The following PNPLA2 variants were observed in gnomAD, a reference collection of about 807,000 sequenced individuals.
The protein encoded by PNPLA2 is patatin-like phospholipase domain-containing protein 2.
Under a neutral mutation model 39.7 loss-of-function variants are expected in PNPLA2, and 28 were observed. That is an observed-to-expected ratio of 0.70 (90% CI 0.52 to 0.97). The LOEUF (loss-of-function observed/expected upper bound fraction) is 0.97. Among genes scored for constraint, PNPLA2 ranks in the 50% least tolerant of loss-of-function variants. The pLI, the probability that PNPLA2 is intolerant of heterozygous loss-of-function variation, is 0.00. For missense variants in PNPLA2, 768 were observed against 698.2 expected (o/e 1.10, Z -1.13); for synonymous variants, 392 against 321.1 (o/e 1.22, Z -2.36).
chr11:819,443 C>T (rs1167481318), intron 1 of PNPLA2, 131 bp from the exon 2 acceptor site: 4 of 1,144,006 alleles, frequency 3.5e-6, no homozygotes, highest in African/African-American at 3.2e-5. Context: ...CGCGGGGGGC[C>T]GGGTCAAGGA....
rs548708635 is a variant in PNPLA2, at chr11:824,982, A to C, written c.*120A>C. ...CCGTGGGCCCCCTCGCCAGCCACTC[A>C]CCAGCTGCATGCACTGAGAGGGGAG... On this transcript the variant is annotated 3_prime_UTR_variant, in exon 10 of 10. Coordinates refer to ENST00000336615, the MANE Select transcript of PNPLA2 (RefSeq NM_020376.4). 12 of 767,848 alleles carry C rather than the reference A, an allele frequency of 1.6e-5. No individual in the cohort carries two copies. In the South Asian group the frequency reaches 1.6e-4, roughly 10 times the overall value. 47.6% of individuals were successfully genotyped at this position (767,848 alleles called of 1,614,324 possible). A position where few individuals can be genotyped will look rare whatever the true frequency, so the allele number is the denominator to read the frequency against.
Position 822,513 on chromosome 11 carries a change from C to T in PNPLA2, c.603C>T (p.Asn201=), listed in dbSNP as rs1254786932. The change falls in exon 5 of 10, where the codon AAC becomes AAT. Residue 201 remains asparagine, a synonymous_variant. Transcript: ENST00000336615. ...SDICPQDSST[N]IHELRVTNTS... The stretch of plus-strand genomic sequence containing the variant: ...TCTGTCCGCAGGACAGCTCCACCAA[C>T]ATCCACGAGCTGCGGGTCACCAACA... 1 of 1,614,096 alleles carries T rather than the reference C, an allele frequency of 6.2e-7. No homozygotes were observed. The highest frequency in any genetic ancestry group is 1.3e-5 in the African/African-American group (1 of 75,054).
chr11:825,096 C>T lies in PNPLA2; in HGVS notation c.*234C>T, dbSNP rs1845847003. ...CTGTGCTGCCCGAGCACCTCCCCCGCCCCTTTACTCCTGAGAACTTTGCAG... is the reference window on the plus strand; with the variant it reads ...CTGTGCTGCCCGAGCACCTCCCCCGTCCCTTTACTCCTGAGAACTTTGCAG... On this transcript the variant is annotated 3_prime_UTR_variant, in exon 10 of 10. Coordinates refer to ENST00000336615, the MANE Select transcript of PNPLA2 (RefSeq NM_020376.4). 3.4e-6 allele frequency: 2 copies of T among 582,772 alleles called. No individual in the cohort carries two copies. The highest frequency in any genetic ancestry group is 3.2e-5 in the Admixed American group (1 of 31,646). 36.1% of individuals were successfully genotyped at this position (582,772 alleles called of 1,614,324 possible). A position where few individuals can be genotyped will look rare whatever the true frequency, so the allele number is the denominator to read the frequency against.
At chr11:822,884 G>C (rs1845717105) in intron 5 of PNPLA2, among the ~76,000 whole-genome samples, 1 of 150,698 alleles carries the variant, frequency 6.6e-6, no homozygotes. Flanking sequence ...GAGTGCAGTG[G>C]CAGGATCTCA....
chr11:823,944 C>T (rs150271566), intron 7 of PNPLA2, 54 bp from the exon 8 acceptor site: 2 of 1,549,494 alleles, frequency 1.3e-6, no homozygotes, highest in Non-Finnish European at 8.7e-7. Context: ...GGAAGCCGAG[C>T]GGGTCCTGGG....
Position 823,546 on chromosome 11 carries a change from A to G in PNPLA2, c.716A>G (p.Lys239Arg). 1 of 1,610,736 alleles carries G rather than the reference A, an allele frequency of 6.2e-7. No individual in the cohort carries two copies. The change falls in exon 6 of 10, where the codon AAG becomes AGG. Residue 239 changes from lysine to arginine, a missense_variant. Transcript: ENST00000336615. Reference sequence around the variant, plus strand: ...CTGCAGGTGCTGCGAGAGATGTGCAAGCAGGGATACCGGGATGGCCTGCGC... The same window carrying G: ...CTGCAGGTGCTGCGAGAGATGTGCAGGCAGGGATACCGGGATGGCCTGCGC... The part of the protein sequence containing the change: ...PEPLVLREMC[K>R]QGYRDGLRFL...
chr11:824,380 C>T lies in PNPLA2; in HGVS notation c.1119C>T (p.Ile373=), dbSNP rs1187028750. The T allele has an allele frequency of 6.4e-7, 1 of 1,552,378 alleles. No individual in the cohort carries two copies. The highest frequency in any genetic ancestry group is 8.7e-7 in the Non-Finnish European group (1 of 1,148,252). ...IRWMKEQTGS[I]CQYLVMRAKR... ...GGATGAAGGAGCAGACGGGCAGCATCTGCCAGTACCTGGTGATGCGCGCCA... is the reference window on the plus strand; with the variant it reads ...GGATGAAGGAGCAGACGGGCAGCATTTGCCAGTACCTGGTGATGCGCGCCA... The change falls in exon 9 of 10, where the codon ATC becomes ATT. Residue 373 remains isoleucine, a synonymous_variant. Coordinates refer to ENST00000336615, the MANE Select transcript of PNPLA2 (RefSeq NM_020376.4).
intron 2 of PNPLA2, among the ~76,000 whole-genome samples, chr11:820,477 G>C (rs1175639422): frequency 6.6e-6 from 1 of 152,132 alleles, no homozygotes; most frequent in African/African-American, 2.4e-5. Context: ...TCCCCGCTGC[G>C]GCCCACCGCG....
chr11:821,586 A>C (rs559773688), intron 2 of PNPLA2, 42 bp from the exon 3 acceptor site: 1 of 1,441,560 alleles, frequency 6.9e-7, no homozygotes, highest in South Asian at 1.1e-5. Context: ...GGTGTTGCTA[A>C]GCCCAGGAGC....
Position 824,593 on chromosome 11 carries a change from A to G in PNPLA2, c.1246A>G (p.Arg416Gly). ...PSVPLSCAAY[R>G]EALPGWMRNN... ...CGTGCCGCTGTCCTGCGCCGCCTAC[A>G]GAGAGGCACTGCCCGGCTGGATGCG... Residue 416 changes from arginine to glycine, a missense_variant, in exon 10 of 10, where the codon AGA becomes GGA. Coordinates refer to ENST00000336615, the MANE Select transcript of PNPLA2 (RefSeq NM_020376.4). 1 of 1,587,924 alleles carries G rather than the reference A, an allele frequency of 6.3e-7. No individual in the cohort carries two copies.
rs753134238 is a variant in PNPLA2 at position 823,706 on chromosome 11, G to A, written c.770G>A (p.Arg257Gln). The A allele has an allele frequency of 1.6e-5, 26 of 1,607,494 alleles. No individual in the cohort carries two copies. The highest frequency in any genetic ancestry group is 4.5e-5 in the East Asian group (2 of 44,634). Reference protein sequence around the residue: ...RFLQRNGLLNRPNPLLALPPA... With the variant: ...RFLQRNGLLNQPNPLLALPPA... ...TCCCCAACCCCAGGCCTCCTGAACC[G>A]GCCCAACCCCTTGCTGGCGTTGCCC... The change falls in exon 7 of 10, where the codon CGG (arginine) becomes CAG (glutamine). Residue 257 changes from arginine to glutamine, a missense_variant. Physicochemically the swap from Arg to Gln is conservative, Grantham distance 43. Coordinates refer to ENST00000336615, the MANE Select transcript of PNPLA2 (RefSeq NM_020376.4).
At chr11:821,922 C>T (rs1411299159) in intron 3 of PNPLA2, 36 bp from the exon 4 acceptor site, 1 of 1,612,768 alleles carries the variant, frequency 6.2e-7, no homozygotes, top group African/African-American at 1.3e-5. Context: ...CTCAAGGCCT[C>T]TGCTCATTCT....
intron 2 of PNPLA2, chr11:821,135 G>A (rs1845651593): frequency 4.8e-6 from 1 of 208,480 alleles, no homozygotes; most frequent in Non-Finnish European, 9.9e-6. Context: ...GCCCCAAGAG[G>A]AGTGTTTGGG....
intron 4 of PNPLA2, 89 bp downstream of exon 4, chr11:822,112 C>A: frequency 8.2e-7 from 1 of 1,213,638 alleles, no homozygotes; most frequent in Non-Finnish European, 1.2e-6. Context: ...ATCCTTCAGG[C>A]CCTTGCTCTG....
chr11:825,236 T>A lies in PNPLA2; in HGVS notation c.*374T>A. 3.0e-6 allele frequency: 1 copy of A among 337,274 alleles called. No homozygotes were observed. Among genetic ancestry groups the A allele is most frequent in the Non-Finnish European group, 5.6e-6 (1 of 179,446 alleles). 20.9% of individuals were successfully genotyped at this position (337,274 alleles called of 1,614,324 possible). On this transcript the variant is annotated 3_prime_UTR_variant, in exon 10 of 10. Coordinates refer to ENST00000336615, the MANE Select transcript of PNPLA2 (RefSeq NM_020376.4). ...CAGCCCAGCCTCTGCCCACTTTGTG[T>A]GTATGTGACCGCCTGCTTACTTGCA... is the stretch of plus-strand genomic sequence containing the variant.
At position 825,215 on chromosome 11, in the gene PNPLA2, C is replaced by G. The variant is rs1051856739; in HGVS notation, c.*353C>G. 1 of 382,178 alleles carries G rather than the reference C, an allele frequency of 2.6e-6. No homozygotes were observed. The highest frequency in any genetic ancestry group is 4.9e-6 in the Non-Finnish European group (1 of 205,828). 23.7% of individuals were successfully genotyped at this position (382,178 alleles called of 1,614,324 possible). A position where few individuals can be genotyped will look rare whatever the true frequency, so the allele number is the denominator to read the frequency against. On this transcript the variant is annotated 3_prime_UTR_variant, in exon 10 of 10. Transcript: ENST00000336615. ...AAGCACATGTAATAAATGCTGCAGC[C>G]CAGCCTCTGCCCACTTTGTGTGTAT...
intron 6 of PNPLA2, 35 bp from the exon 7 acceptor site, chr11:823,659 G>A: frequency 1.9e-6 from 3 of 1,603,516 alleles, no homozygotes; most frequent in East Asian, 2.3e-5. Flanking sequence ...CGGCCGCGCT[G>A]ATGAACTGAG....
chr11:823,836 G>A lies in PNPLA2; in HGVS notation c.900G>A (p.Leu300=), dbSNP rs767650417. The A allele has an allele frequency of 6.3e-6, 10 of 1,591,080 alleles. No individual in the cohort carries two copies. The highest frequency in any genetic ancestry group is 3.4e-5 in the South Asian group (3 of 88,316). The change falls in exon 7 of 10, where the codon CTG becomes CTA. Residue 300 remains leucine, a synonymous_variant. Coordinates refer to ENST00000336615, the MANE Select transcript of PNPLA2 (RefSeq NM_020376.4). The stretch of plus-strand genomic sequence containing the variant: ...GAGAAGATCACATCCTGGAGCACCT[G>A]CCCGCCCGGCTCAATGAGGGTGCGC... ...LPGEDHILEH[L]PARLNEALLE...
At chr11:819,539 C>T in intron 1 of PNPLA2, 35 bp from the exon 2 acceptor site, 14 of 1,289,022 alleles carry the variant, frequency 1.1e-5, no homozygotes, top group African/African-American at 1.6e-5. Context: ...GTGAGTCCCA[C>T]ACTTAAAAGC....
Sources: allele counts gnomAD v4.1 joint callset (sites outside exome capture counted in the v4.1 genomes callset), GRCh38; gene constraint gnomAD v4.1.1; transcripts MANE v1.5; gene names NCBI Gene and HGNC (gene_info 2026-07-23, HGNC 2026-07-21).